The following ARHGEF37 variants were observed in gnomAD, a reference collection of about 807,000 sequenced individuals.
ARHGEF37 encodes Rho guanine nucleotide exchange factor (GEF) 37.
Under a neutral mutation model 71.1 loss-of-function variants are expected in ARHGEF37, and 55 were observed. The ratio of observed to expected loss-of-function variants is 0.77; its 90% CI spans 0.62 to 0.97. The LOEUF (loss-of-function observed/expected upper bound fraction) is 0.97. Ranked by LOEUF, ARHGEF37 falls within the 50% of genes least tolerant of loss-of-function variation. The pLI is 0.00. For synonymous variants in ARHGEF37, 327 were observed against 350.6 expected (o/e 0.93, Z 0.75); for missense variants, 765 against 836.8 (o/e 0.91, Z 1.06).
At chr5:149,573,003 T>C (rs1167627001) in intron 1 of ARHGEF37, among the ~76,000 whole-genome samples, 1 of 152,198 alleles carries the variant, frequency 6.6e-6, no homozygotes, top group Non-Finnish European at 1.5e-5. Context: ...TGGCAAGGAC[T>C]TCTGCGCTGG....
chr5:149,584,569 A>T (rs1342503417), intron 1 of ARHGEF37, among the ~76,000 whole-genome samples: 2 of 151,618 alleles, frequency 1.3e-5, no homozygotes, highest in Non-Finnish European at 2.9e-5. Context: ...TGTTTTTTCT[A>T]ATTTTGACTA....
At chr5:149,609,200 A>T (rs1028823044) in intron 3 of ARHGEF37, among the ~76,000 whole-genome samples, 4 of 151,848 alleles carry the variant, frequency 2.6e-5, no homozygotes, top group Admixed American at 2.6e-4. Flanking sequence ...AAACAAAAAA[A>T]CAAAAAAACA....
At chr5:149,573,750 A>G (rs748042518) in intron 1 of ARHGEF37, among the ~76,000 whole-genome samples, 6 of 152,184 alleles carry the variant, frequency 3.9e-5, no homozygotes, top group Non-Finnish European at 7.3e-5. Context: ...TTATATATGC[A>G]CCATATATAT....
intron 12 of ARHGEF37, among the ~76,000 whole-genome samples, chr5:149,630,524 C>T (rs1016238724): frequency 6.6e-6 from 1 of 152,126 alleles, no homozygotes; most frequent in African/African-American, 2.4e-5. Flanking sequence ...GTGCTTGTGC[C>T]ACACCCACCG....
intron 1 of ARHGEF37, among the ~76,000 whole-genome samples, chr5:149,571,351 G>C (rs1234934320): frequency 6.6e-6 from 1 of 152,142 alleles, no homozygotes; most frequent in Non-Finnish European, 1.5e-5. Flanking sequence ...TGCCTCCTAG[G>C]TTCAAGCAAT....
At chr5:149,598,783 T>C (rs1368149221) in intron 2 of ARHGEF37, among the ~76,000 whole-genome samples, 1 of 146,694 alleles carries the variant, frequency 6.8e-6, no homozygotes, top group South Asian at 2.1e-4. Context: ...TATAGATATA[T>C]AGATATAGAT....
At chr5:149,586,441 TC>T (rs1763240015) in intron 1 of ARHGEF37, among the ~76,000 whole-genome samples, 1 of 151,108 alleles carries the variant, frequency 6.6e-6, no homozygotes, top group African/African-American at 2.5e-5. Context: ...CTTTTAATTT[TC>T]AGTAGAGATG....
intron 3 of ARHGEF37, among the ~76,000 whole-genome samples, chr5:149,607,287 T>A (rs1173905835): frequency 1.3e-5 from 2 of 152,232 alleles, no homozygotes; most frequent in East Asian, 3.8e-4. Flanking sequence ...ACACTTGCCT[T>A]CTTGCTGTTG....
At chr5:149,603,891 G>A (rs1192107514) in intron 3 of ARHGEF37, among the ~76,000 whole-genome samples, 3 of 152,188 alleles carry the variant, frequency 2.0e-5, no homozygotes, top group Non-Finnish European at 2.9e-5. Flanking sequence ...AGCTGAGATC[G>A]TGCCAGTGTA....
intron 6 of ARHGEF37, 130 bp from the exon 7 acceptor site, chr5:149,618,808 T>C: frequency 1.4e-6 from 1 of 735,414 alleles, no homozygotes; most frequent in Non-Finnish European, 2.4e-6. Flanking sequence ...CTCTCAGCTT[T>C]GGGGTTGCGA....
At chr5:149,567,564 A>T (rs958991072) in intron 1 of ARHGEF37, among the ~76,000 whole-genome samples, 8 of 151,968 alleles carry the variant, frequency 5.3e-5, no homozygotes, top group African/African-American at 1.7e-4. Context: ...ATTCTTCTTC[A>T]TTTCTTTCTT....
At chr5:149,563,804 G>T (rs1762865361) in intron 1 of ARHGEF37, among the ~76,000 whole-genome samples, 2 of 152,154 alleles carry the variant, frequency 1.3e-5, no homozygotes, top group African/African-American at 4.8e-5. Flanking sequence ...TAGACTTTCA[G>T]ATGTGTCATA....
intron 1 of ARHGEF37, among the ~76,000 whole-genome samples, chr5:149,564,561 C>T (rs1762876110): frequency 6.6e-6 from 1 of 152,042 alleles, no homozygotes; most frequent in African/African-American, 2.4e-5. Flanking sequence ...GCGGTGGCTC[C>T]CGCCTGTAAT....
At chr5:149,565,871 CAG>C (rs1491061255) in intron 1 of ARHGEF37, among the ~76,000 whole-genome samples, 3 of 75,498 alleles carry the variant, frequency 4.0e-5, no homozygotes, top group East Asian at 4.8e-4. Flanking sequence ...TTTTGTGAGA[CAG>C]AGTTTCCCTC....
At chr5:149,598,637 T>C (rs1005623292) in intron 2 of ARHGEF37, among the ~76,000 whole-genome samples, 17 of 151,328 alleles carry the variant, frequency 1.1e-4, no homozygotes, top group Non-Finnish European at 1.6e-4. Flanking sequence ...CCTTTCCTAG[T>C]ACCAAAAATT....
rs769289141 is a variant in ARHGEF37, at chr5:149,628,891, G to C, written c.1743G>C (p.Gly581=). 5.0e-5 allele frequency: 80 copies of C among 1,613,546 alleles called. 2 individuals carry two copies. In the South Asian group the frequency reaches 8.3e-4, roughly 17 times the overall value. The change falls in exon 12 of 13, where the codon GGG becomes GGC. Residue 581 remains glycine (G), a synonymous_variant. Coordinates refer to ENST00000333677, the MANE Select transcript of ARHGEF37 (RefSeq NM_001001669.3). ...CAGAGGAGCTCAGAAGGCAGGCGGG[G>C]CTGAACAAAGACCCCCGATGTCTAA... The part of the protein sequence containing the change: ...PSAEELRRQA[G]LNKDPRCLTP...
At position 149,558,707 on chromosome 5, in the gene ARHGEF37, G is replaced by A. The variant is rs1482206328; in HGVS notation, c.-12+6584G>A. On this transcript the variant is annotated intron_variant, in intron 1 of 2. Coordinates refer to the ARHGEF37 transcript ENST00000505810. The stretch of plus-strand genomic sequence containing the variant: ...CATATATATATGTGTGTGTGTGTGT[G>A]TGTGTGTGTGTGTGTGTGTGTGTGT... 4.7e-3 allele frequency among the ~76,000 whole-genome samples: 580 copies of A among 122,918 alleles called. 5 individuals carry two copies. Among genetic ancestry groups the A allele is most frequent in the African/African-American group, 0.016 (446 of 27,448 alleles). 80.6% of individuals were successfully genotyped at this position (122,918 alleles called of 152,430 possible).
intron 2 of ARHGEF37, among the ~76,000 whole-genome samples, chr5:149,600,145 G>A (rs1763709858): frequency 6.6e-6 from 1 of 152,172 alleles, no homozygotes; most frequent in African/African-American, 2.4e-5. Flanking sequence ...GGCAAATGCA[G>A]CACAATAGTA....
chr5:149,558,279 G>C (rs960248669), intron 1 of ARHGEF37, among the ~76,000 whole-genome samples: 1 of 152,198 alleles, frequency 6.6e-6, no homozygotes, highest in East Asian at 2.0e-4. Flanking sequence ...AGGCTGAGGC[G>C]GGCGGATCAC....
Sources: gnomAD v4.1 joint callset for allele counts (sites outside exome capture counted in the v4.1 genomes callset) on GRCh38, gnomAD v4.1.1 for gene constraint, MANE v1.5 for transcripts, NCBI Gene and HGNC (gene_info 2026-07-23, HGNC 2026-07-21) for gene names.